Variants in LRRC7 observed in about 807,000 individuals in gnomAD.
LRRC7 encodes the protein leucine-rich repeat-containing protein 7.
A neutral mutation model predicts 175.7 loss-of-function variants in LRRC7; 23 were observed. The observed-to-expected ratio is 0.13, with a 90% CI of 0.09 to 0.19. LRRC7 has a LOEUF of 0.19. Among genes scored for constraint, LRRC7 ranks in the 10% least tolerant of loss-of-function variants. The probability of loss-of-function intolerance (pLI) is 1.00; values close to 1 mark genes in which losing one functional copy is unlikely to be tolerated. For missense variants in LRRC7, 1,354 were observed against 1,904.7 expected (o/e 0.71, Z 5.38); for synonymous variants, 685 against 680.9 (o/e 1.01, Z -0.09).
At chr1:70,016,770 G>T (rs1361618367) in intron 14 of LRRC7, among the ~76,000 whole-genome samples, 1 of 151,996 alleles carries the variant, frequency 6.6e-6, no homozygotes, top group South Asian at 2.1e-4. Context: ...AATTCTCTGA[G>T]ATCTAATACA....
chr1:69,749,492 T>C (rs1669598153), intron 2 of LRRC7, among the ~76,000 whole-genome samples: 1 of 152,206 alleles, frequency 6.6e-6, no homozygotes, highest in Admixed American at 6.5e-5. Flanking sequence ...CAATGCACAC[T>C]ATGACTAGAA....
At chr1:69,743,334 T>A (rs960053781) in intron 2 of LRRC7, among the ~76,000 whole-genome samples, 10 of 151,974 alleles carry the variant, frequency 6.6e-5, no homozygotes, top group African/African-American at 2.4e-4. Context: ...AGGAGTGACA[T>A]TTGAACTGTC....
chr1:69,781,851 GAA>G lies in LRRC7; in HGVS notation c.304-10190_304-10189del, dbSNP rs1361183443. ...GAAGGAAGGAAGGAAGGAAGGGAGA[GAA>G]AGAAAGAGAAGGAAGGAAGGAAGAA... On this transcript the variant is annotated intron_variant, in intron 3 of 26. Coordinates refer to ENST00000651989, the MANE Select transcript of LRRC7 (RefSeq NM_001370785.2). 3.1e-5 allele frequency among the ~76,000 whole-genome samples: 3 copies of G among 97,340 alleles called. 1 individual carries two copies. Among genetic ancestry groups the G allele is most frequent in the African/African-American group, 1.4e-4 (3 of 20,760 alleles). 63.9% of individuals were successfully genotyped at this position (97,340 alleles called of 152,430 possible).
At chr1:69,931,019 A>G (rs1647320984) in intron 7 of LRRC7, among the ~76,000 whole-genome samples, 1 of 152,222 alleles carries the variant, frequency 6.6e-6, no homozygotes, top group South Asian at 2.1e-4. Context: ...TCATAGCTAT[A>G]GCAGCTTTCA....
intron 2 of LRRC7, among the ~76,000 whole-genome samples, chr1:69,759,022 C>T (rs1670742612): frequency 2.0e-5 from 3 of 151,840 alleles, no homozygotes; most frequent in Admixed American, 6.6e-5. Flanking sequence ...AACAAGATCT[C>T]CTCAGAGAAC....
At chr1:69,842,702 A>C (rs1327222864) in intron 7 of LRRC7, among the ~76,000 whole-genome samples, 1 of 152,136 alleles carries the variant, frequency 6.6e-6, no homozygotes, top group African/African-American at 2.4e-5. Flanking sequence ...TGGAAAGATA[A>C]ATCTGAAGTA....
chr1:69,977,327 A>T (rs1024394151), intron 8 of LRRC7, among the ~76,000 whole-genome samples: 3 of 152,204 alleles, frequency 2.0e-5, no homozygotes, highest in Non-Finnish European at 4.4e-5. Flanking sequence ...AAATATTTTA[A>T]TTATGCTCCG....
At chr1:69,801,895 G>A (rs905808186) in intron 4 of LRRC7, among the ~76,000 whole-genome samples, 26 of 148,544 alleles carry the variant, frequency 1.8e-4, no homozygotes, top group Admixed American at 5.4e-4. Context: ...ACTGTATTCC[G>A]TAAGTTTTGG....
In LRRC7 at chr1:70,132,337, C is replaced by T. The variant is rs1199454461; in HGVS notation, c.*10450C>T. 2 of 151,998 alleles carry T rather than the reference C, an allele frequency of 1.3e-5. No homozygotes were observed. The highest frequency in any genetic ancestry group is 2.9e-5 in the Non-Finnish European group (2 of 68,040). 9.4% of individuals were successfully genotyped at this position (151,998 alleles called of 1,614,324 possible). A position where few individuals can be genotyped will look rare whatever the true frequency, so the allele number is the denominator to read the frequency against. On this transcript the variant is annotated 3_prime_UTR_variant, in exon 27 of 27. Coordinates refer to ENST00000651989, the MANE Select transcript of LRRC7 (RefSeq NM_001370785.2). ...TTTAATTGCTATTCATTTCTAGAAA[C>T]TATTTTTGTCTAACGTCATAGGTAA...
chr1:69,764,746 T>C (rs151102321), intron 3 of LRRC7, among the ~76,000 whole-genome samples: 1,679 of 147,960 alleles, frequency 0.011, 40 homozygotes, highest in African/African-American at 0.04. Flanking sequence ...GATAGATAGA[T>C]AGATAGATAG....
At chr1:69,992,133 G>C (rs1032333243) in intron 10 of LRRC7, among the ~76,000 whole-genome samples, 1 of 152,002 alleles carries the variant, frequency 6.6e-6, no homozygotes, top group Non-Finnish European at 1.5e-5. Flanking sequence ...TTAAGTGATA[G>C]TAGTAATAGT....
rs575241925 is a variant in LRRC7 at position 69,908,246 on chromosome 1, T to G, written c.648-23261T>G. Among the ~76,000 whole-genome samples, 497 of 152,370 alleles carry G rather than the reference T, an allele frequency of 3.3e-3. 1 individual carries two copies. The highest frequency in any genetic ancestry group is 0.011 in the African/African-American group (448 of 41,580). On this transcript the variant is annotated intron_variant, in intron 7 of 26. Coordinates refer to ENST00000651989, the MANE Select transcript of LRRC7 (RefSeq NM_001370785.2). ...TTCATTAATTTTTTGAAGGGTTTTTTTGTGTCTCTATCTCCTTCAGTTCTG... is the reference window on the plus strand; with the variant it reads ...TTCATTAATTTTTTGAAGGGTTTTTGTGTGTCTCTATCTCCTTCAGTTCTG...
intron 7 of LRRC7, among the ~76,000 whole-genome samples, chr1:69,876,487 A>G (rs1686054710): frequency 6.6e-6 from 1 of 152,166 alleles, no homozygotes; most frequent in Non-Finnish European, 1.5e-5. Context: ...CTGGAGGTCT[A>G]GTAGAGTAAA....
intron 1 of LRRC7, among the ~76,000 whole-genome samples, chr1:69,587,149 CT>C (rs1348655971): frequency 6.6e-6 from 1 of 152,050 alleles, no homozygotes; most frequent in Non-Finnish European, 1.5e-5. Flanking sequence ...AAATGGCTTC[CT>C]TCTTAAATCC....
intron 4 of LRRC7, among the ~76,000 whole-genome samples, chr1:69,796,655 A>G (rs957037860): frequency 6.6e-6 from 1 of 152,054 alleles, no homozygotes; most frequent in African/African-American, 2.4e-5. Context: ...TTAGCCAGGC[A>G]TGGTGGCACA....
At chr1:69,682,985 C>T (rs1386034884) in intron 2 of LRRC7, among the ~76,000 whole-genome samples, 1 of 152,100 alleles carries the variant, frequency 6.6e-6, no homozygotes, top group African/African-American at 2.4e-5. Context: ...AATCAGATGA[C>T]TCACAAATTG....
At chr1:69,938,631 T>G (rs1648296817) in intron 8 of LRRC7, among the ~76,000 whole-genome samples, 1 of 152,040 alleles carries the variant, frequency 6.6e-6, no homozygotes, top group Admixed American at 6.6e-5. Flanking sequence ...TCATTATAAC[T>G]AAAATTGACT....
chr1:69,596,615 C>G (rs186803883), intron 1 of LRRC7, among the ~76,000 whole-genome samples: 18 of 152,274 alleles, frequency 1.2e-4, no homozygotes, highest in African/African-American at 3.9e-4. Context: ...AAACTATTTT[C>G]TTTCAAGTGA....
intron 2 of LRRC7, among the ~76,000 whole-genome samples, chr1:69,742,738 A>G (rs1668845123): frequency 6.6e-6 from 1 of 151,990 alleles, no homozygotes; most frequent in African/African-American, 2.4e-5. Context: ...GTTGTTTTAA[A>G]TCTTTGTGAC....
Sources: gnomAD v4.1 joint callset for allele counts (sites outside exome capture counted in the v4.1 genomes callset) on GRCh38, gnomAD v4.1.1 for gene constraint, MANE v1.5 for transcripts, NCBI Gene and HGNC (gene_info 2026-07-23, HGNC 2026-07-21) for gene names.